The following KLF12 variants were observed in gnomAD, a reference collection of about 807,000 sequenced individuals.
KLF12 encodes the protein KLF transcription factor 12.
In KLF12, 9 loss-of-function variants were observed where a neutral mutation model predicts 37.8. The ratio of observed to expected loss-of-function variants is 0.24; its 90% CI spans 0.14 to 0.42. The LOEUF (loss-of-function observed/expected upper bound fraction) is 0.42, where lower values mean the gene tolerates loss of function less well. Among genes scored for constraint, KLF12 ranks in the 10% least tolerant of loss-of-function variants. The pLI is 1.00. For missense variants in KLF12, 411 were observed against 516.0 expected (o/e 0.80, Z 1.97); for synonymous variants, 208 against 202.1 (o/e 1.03, Z -0.25).
At chr13:73,905,261 A>G (rs9600184) in intron 3 of KLF12, among the ~76,000 whole-genome samples, 1 of 151,934 alleles carries the variant, frequency 6.6e-6, no homozygotes, top group Non-Finnish European at 1.5e-5. Context: ...TCAGTCACCT[A>G]TAACTTTCAA....
intron 6 of KLF12, among the ~76,000 whole-genome samples, chr13:73,749,012 G>T (rs1331067946): frequency 1.3e-5 from 2 of 152,068 alleles, no homozygotes; most frequent in Non-Finnish European, 2.9e-5. Context: ...ATTAACACTC[G>T]ATTTACTTTG....
At chr13:74,192,188 A>G in the KLF12 span, among the ~76,000 whole-genome samples, 1 of 152,178 alleles carries the variant, frequency 6.6e-6, no homozygotes, top group Non-Finnish European at 1.5e-5. Context: ...GAAAATAGTA[A>G]CAACTTACTA....
chr13:73,843,685 A>G (rs1179153832), intron 4 of KLF12, among the ~76,000 whole-genome samples: 1 of 152,182 alleles, frequency 6.6e-6, no homozygotes, highest in East Asian at 1.9e-4. Flanking sequence ...ACTAATAAAA[A>G]TGAAGATTAG....
the KLF12 span, among the ~76,000 whole-genome samples, chr13:74,270,740 G>A: frequency 3.9e-5 from 6 of 152,232 alleles, no homozygotes; most frequent in East Asian, 3.9e-4. Context: ...GTAGATGTGC[G>A]GGTAGCCTGC....
At chr13:74,042,875 G>A (rs1893444107) in intron 1 of KLF12, among the ~76,000 whole-genome samples, 1 of 152,142 alleles carries the variant, frequency 6.6e-6, no homozygotes, top group Admixed American at 6.5e-5. Context: ...ATCTCTATGG[G>A]CAAGAAGCCT....
chr13:74,223,010 C>T, the KLF12 span, among the ~76,000 whole-genome samples: 1 of 152,144 alleles, frequency 6.6e-6, no homozygotes, highest in Non-Finnish European at 1.5e-5. Flanking sequence ...ATTTAAAAAA[C>T]AAAGTACTTT....
At chr13:74,178,658 A>T in the KLF12 span, among the ~76,000 whole-genome samples, 1 of 152,170 alleles carries the variant, frequency 6.6e-6, no homozygotes, top group African/African-American at 2.4e-5. Context: ...TCCCTAAAAC[A>T]TGTTTCTTTT....
the KLF12 span, among the ~76,000 whole-genome samples, chr13:74,164,310 C>G: frequency 2.0e-5 from 3 of 152,118 alleles, no homozygotes; most frequent in African/African-American, 7.2e-5. Context: ...AATGATTAAT[C>G]AAAGTCAATA....
the KLF12 span, among the ~76,000 whole-genome samples, chr13:74,282,141 A>C: frequency 6.6e-6 from 1 of 152,204 alleles, no homozygotes. Flanking sequence ...TTCTAGTGGC[A>C]ACAAGCTCCA....
At chr13:73,724,573 A>T (rs1876518867) in intron 6 of KLF12, among the ~76,000 whole-genome samples, 1 of 152,128 alleles carries the variant, frequency 6.6e-6, no homozygotes, top group Non-Finnish European at 1.5e-5. Context: ...CTGGAGGAAA[A>T]GAAAAATCTT....
intron 3 of KLF12, among the ~76,000 whole-genome samples, chr13:73,905,314 A>C (rs527974363): frequency 6.6e-6 from 1 of 152,164 alleles, no homozygotes; most frequent in Admixed American, 6.5e-5. Flanking sequence ...TTTCCTGCCA[A>C]GCTAAAATCT....
the KLF12 span, among the ~76,000 whole-genome samples, chr13:74,140,252 A>G: frequency 2.6e-5 from 4 of 152,210 alleles, no homozygotes; most frequent in Non-Finnish European, 5.9e-5. Flanking sequence ...GCCAGCTGCA[A>G]TGGCTCACAC....
At chr13:74,226,103 T>A in the KLF12 span, among the ~76,000 whole-genome samples, 1 of 142,412 alleles carries the variant, frequency 7.0e-6, no homozygotes, top group Non-Finnish European at 1.6e-5. Context: ...TGGAAATAGC[T>A]TTTTTTAAAG....
intron 3 of KLF12, among the ~76,000 whole-genome samples, chr13:73,878,743 G>T (rs955237691): frequency 2.6e-5 from 4 of 152,204 alleles, no homozygotes; most frequent in African/African-American, 7.2e-5. Context: ...AAAGTGAGAC[G>T]TGATCTGAAA....
At chr13:73,814,481 G>A (rs1019923194) in intron 4 of KLF12, among the ~76,000 whole-genome samples, 2 of 152,066 alleles carry the variant, frequency 1.3e-5, no homozygotes, top group African/African-American at 4.8e-5. Flanking sequence ...ATACCTAGAC[G>A]GTTTCAACAT....
intron 5 of KLF12, among the ~76,000 whole-genome samples, chr13:73,782,869 T>C (rs1332319784): frequency 1.3e-5 from 2 of 152,224 alleles, no homozygotes; most frequent in Admixed American, 6.5e-5. Flanking sequence ...TGTGTCCTAA[T>C]TGTGGCTTGT....
intron 3 of KLF12, among the ~76,000 whole-genome samples, chr13:73,924,893 G>A (rs939137908): frequency 3.3e-5 from 5 of 152,134 alleles, no homozygotes; most frequent in African/African-American, 4.8e-5. Context: ...GAGTGGTCTC[G>A]ACAGGTGATC....
chr13:74,086,769 GAA>G (rs1875333193), intron 1 of KLF12, among the ~76,000 whole-genome samples: 1 of 152,128 alleles, frequency 6.6e-6, no homozygotes, highest in African/African-American at 2.4e-5. Context: ...CTGTTGGCCA[GAA>G]GCCTCACAGA....
chr13:74,219,303 C>A, the KLF12 span, among the ~76,000 whole-genome samples: 1 of 152,158 alleles, frequency 6.6e-6, no homozygotes, highest in Non-Finnish European at 1.5e-5. Context: ...AACATAATGA[C>A]CCATGAGATG....
Sources: gnomAD v4.1 joint callset for allele counts (sites outside exome capture counted in the v4.1 genomes callset) on GRCh38, gnomAD v4.1.1 for gene constraint, MANE v1.5 for transcripts, NCBI Gene and HGNC (gene_info 2026-07-23, HGNC 2026-07-21) for gene names.